The following DLGAP1 variants were observed in gnomAD, a reference collection of about 807,000 sequenced individuals.
The protein encoded by DLGAP1 is disks large-associated protein 1.
DLGAP1 carries 11 observed loss-of-function variants against 90.8 expected under a neutral mutation model. The observed-to-expected ratio is 0.12, with a 90% confidence interval of 0.08 to 0.20. The LOEUF (loss-of-function observed/expected upper bound fraction) is 0.20. Among genes scored for constraint, DLGAP1 ranks in the 10% least tolerant of loss-of-function variants. DLGAP1 has a pLI of 1.00. For missense variants in DLGAP1, 1,050 were observed against 1,333.8 expected (o/e 0.79, Z 3.31); for synonymous variants, 558 against 540.7 (o/e 1.03, Z -0.44).
At chr18:4,350,139 G>C (rs923939554) in intron 1 of DLGAP1, among the ~76,000 whole-genome samples, 2 of 152,072 alleles carry the variant, frequency 1.3e-5, no homozygotes, top group African/African-American at 4.8e-5. Flanking sequence ...GTATGCTTCA[G>C]ATATCTGTTG....
At chr18:4,395,401 C>G (rs2082419321) in intron 1 of DLGAP1, among the ~76,000 whole-genome samples, 1 of 151,972 alleles carries the variant, frequency 6.6e-6, no homozygotes, top group African/African-American at 2.4e-5. Context: ...AAAGTAAAAT[C>G]AAGATTTTTG....
intron 3 of DLGAP1, among the ~76,000 whole-genome samples, chr18:3,938,730 A>AC (rs1272338703): frequency 6.6e-6 from 1 of 152,144 alleles, no homozygotes; most frequent in African/African-American, 2.4e-5. Flanking sequence ...AGTTCACAAG[A>AC]CAGCAGGGTG....
At chr18:3,784,086 T>G (rs1165550150) in intron 5 of DLGAP1, among the ~76,000 whole-genome samples, 2 of 152,240 alleles carry the variant, frequency 1.3e-5, no homozygotes, top group African/African-American at 4.8e-5. Flanking sequence ...TGAGGTCTTT[T>G]GTCTACAATG....
chr18:4,259,184 A>G (rs2078955909), intron 1 of DLGAP1, among the ~76,000 whole-genome samples: 2 of 152,184 alleles, frequency 1.3e-5, no homozygotes, highest in African/African-American at 4.8e-5. Context: ...AACCACTGCG[A>G]TAGGTGGTTA....
chr18:3,623,082 C>G (rs28728338), intron 7 of DLGAP1, among the ~76,000 whole-genome samples: 63,179 of 151,830 alleles, frequency 0.42, 15,253 homozygotes, highest in African/African-American at 0.66. Context: ...TGGGATTACA[C>G]GCGTGAGCCA....
chr18:4,013,172 G>A (rs1027595151), intron 2 of DLGAP1, among the ~76,000 whole-genome samples: 2 of 152,162 alleles, frequency 1.3e-5, no homozygotes, highest in African/African-American at 4.8e-5. Flanking sequence ...AGTGTGTCTT[G>A]TGCTGTTGGG....
At chr18:4,191,981 A>G (rs1016659090) in intron 1 of DLGAP1, among the ~76,000 whole-genome samples, 8 of 152,194 alleles carry the variant, frequency 5.3e-5, no homozygotes, top group African/African-American at 1.9e-4. Context: ...ACTAACACCA[A>G]GAGAACCCTG....
At chr18:3,788,643 C>T (rs1334886856) in intron 5 of DLGAP1, among the ~76,000 whole-genome samples, 1 of 152,170 alleles carries the variant, frequency 6.6e-6, no homozygotes, top group African/African-American at 2.4e-5. Context: ...GCTCCTCTGG[C>T]ACTCAGCTTT....
At chr18:4,074,340 A>G (rs549010015) in intron 2 of DLGAP1, among the ~76,000 whole-genome samples, 1 of 152,220 alleles carries the variant, frequency 6.6e-6, no homozygotes, top group African/African-American at 2.4e-5. Flanking sequence ...TACATCATCT[A>G]AGGGCTTGAA....
At chr18:4,343,970 T>C (rs2081255577) in intron 1 of DLGAP1, among the ~76,000 whole-genome samples, 1 of 152,218 alleles carries the variant, frequency 6.6e-6, no homozygotes, top group Admixed American at 6.5e-5. Flanking sequence ...CTAAATAAAC[T>C]GTATTACAAG....
chr18:3,998,296 T>C (rs112509606), intron 3 of DLGAP1, among the ~76,000 whole-genome samples: 1 of 152,200 alleles, frequency 6.6e-6, no homozygotes, highest in African/African-American at 2.4e-5. Context: ...AAAATAATGA[T>C]TTTGGTTTCC....
intron 1 of DLGAP1, among the ~76,000 whole-genome samples, chr18:4,448,544 A>G (rs11081121): frequency 0.051 from 7,725 of 152,172 alleles, 616 homozygotes; most frequent in African/African-American, 0.17. Flanking sequence ...TATGCACCAT[A>G]GTTTATAAAA....
In DLGAP1 at chr18:3,636,810, C is replaced by T. The variant is rs192939897; in HGVS notation, c.1592-54562G>A. ...AGTGATCTCCGCTCACTGCAACATC[C>T]GCCTCCCAGGTTCAAGTGATTCCCC... On this transcript the variant is annotated intron_variant, in intron 7 of 12. Coordinates refer to ENST00000315677, the MANE Select transcript of DLGAP1 (RefSeq NM_004746.4). Among the ~76,000 whole-genome samples the T allele has an allele frequency of 1.0e-4, 15 of 149,738 alleles. No individual in the cohort carries two copies. In the East Asian group the frequency reaches 2.7e-3, roughly 27 times the overall value.
chr18:4,325,235 A>G (rs1164739411), intron 1 of DLGAP1, among the ~76,000 whole-genome samples: 1 of 152,210 alleles, frequency 6.6e-6, no homozygotes, highest in Non-Finnish European at 1.5e-5. Flanking sequence ...TGAGAGCCAA[A>G]TCAGGAACAC....
At chr18:3,539,294 A>G (rs914665859) in intron 9 of DLGAP1, among the ~76,000 whole-genome samples, 8 of 152,180 alleles carry the variant, frequency 5.3e-5, no homozygotes, top group South Asian at 2.1e-4. Context: ...GATGATATCA[A>G]CCCAAAAGCT....
At chr18:3,750,244 G>A (rs545077077) in intron 5 of DLGAP1, among the ~76,000 whole-genome samples, 2 of 152,118 alleles carry the variant, frequency 1.3e-5, no homozygotes, top group African/African-American at 2.4e-5. Context: ...TGTTTCCTGC[G>A]TTAATTTGCT....
chr18:3,647,963 A>G (rs1037964425), intron 7 of DLGAP1, among the ~76,000 whole-genome samples: 4 of 152,162 alleles, frequency 2.6e-5, no homozygotes, highest in African/African-American at 7.2e-5. Flanking sequence ...CAATTTTAGG[A>G]GTTCATATTT....
At chr18:3,693,831 G>A (rs2060985414) in intron 7 of DLGAP1, among the ~76,000 whole-genome samples, 1 of 152,210 alleles carries the variant, frequency 6.6e-6, no homozygotes, top group Non-Finnish European at 1.5e-5. Flanking sequence ...GTCATGATCA[G>A]TGTCTGATGT....
At chr18:4,190,179 T>C (rs1430190966) in intron 1 of DLGAP1, among the ~76,000 whole-genome samples, 3 of 151,922 alleles carry the variant, frequency 2.0e-5, no homozygotes, top group Non-Finnish European at 4.4e-5. Context: ...TATTATTCAG[T>C]AATGTGAAAA....
Sources: allele counts gnomAD v4.1 joint callset (sites outside exome capture counted in the v4.1 genomes callset), GRCh38; gene constraint gnomAD v4.1.1; transcripts MANE v1.5; gene names NCBI Gene and HGNC (gene_info 2026-07-23, HGNC 2026-07-21).